Variants in CNN2 observed in about 807,000 individuals in gnomAD.
CNN2 encodes calponin 2.
A neutral mutation model predicts 31.0 loss-of-function variants in CNN2; 21 were observed. The ratio of observed to expected loss-of-function variants is 0.68; its 90% confidence interval spans 0.48 to 0.98. The LOEUF (loss-of-function observed/expected upper bound fraction) is 0.98, where lower values mean the gene tolerates loss of function less well. Among genes scored for constraint, CNN2 ranks in the 50% least tolerant of loss-of-function variants. The pLI, the probability that CNN2 is intolerant of heterozygous loss-of-function variation, is 0.00. For missense variants in CNN2, 399 were observed against 427.3 expected, an observed-to-expected ratio of 0.93 and a Z score of 0.58; for synonymous variants, 165 against 179.6, an observed-to-expected ratio of 0.92 and a Z score of 0.65.
In CNN2 at chr19:1,037,964, T is replaced by C; in HGVS notation, c.*64T>C. On this transcript the variant is annotated 3_prime_UTR_variant, in exon 7 of 7. Coordinates refer to ENST00000263097, the MANE Select transcript of CNN2 (RefSeq NM_004368.4). ...CTGGGTTTTTGGGTTTTTCTGTGTT[T>C]TCATCTTTTTTTTTTTTTTCTTAAC... The C allele has an allele frequency of 6.9e-7, 1 of 1,440,348 alleles. No homozygotes were observed. Among genetic ancestry groups the C allele is most frequent in the Non-Finnish European group, 9.2e-7 (1 of 1,090,256 alleles). 89.2% of individuals were successfully genotyped at this position (1,440,348 alleles called of 1,614,324 possible). A position where few individuals can be genotyped will look rare whatever the true frequency, so the allele number is the denominator to read the frequency against.
Position 1,037,192 on chromosome 19 carries a change from G to A in CNN2, c.655-433G>A, listed in dbSNP as rs571914745. On this transcript the variant is annotated intron_variant, in intron 6 of 6. Coordinates refer to ENST00000263097, the MANE Select transcript of CNN2 (RefSeq NM_004368.4). The stretch of plus-strand genomic sequence containing the variant: ...TAATTTTTGTATTTTTAGTAGAGAC[G>A]GGGTTTCACTGTGTTGGTCAGGCTA... The A allele has an allele frequency of 2.1e-4, 40 of 192,136 alleles. 1 individual carries two copies. The Middle Eastern group carries it at 9.8e-3, about 47-fold the overall frequency. The allele number at this position is 192,136 out of a possible 1,614,324, so 11.9% of individuals were successfully genotyped here.
intron 1 of CNN2, among the ~76,000 whole-genome samples, chr19:1,028,561 G>T (rs2039436363): frequency 6.6e-6 from 1 of 152,228 alleles, no homozygotes; most frequent in Non-Finnish European, 1.5e-5. Context: ...CGGATCCACA[G>T]TGTCTGCGGC....
chr19:1,030,586 A>G (rs1188237544), intron 1 of CNN2, among the ~76,000 whole-genome samples: 1 of 152,142 alleles, frequency 6.6e-6, no homozygotes, highest in Non-Finnish European at 1.5e-5. Flanking sequence ...AGATCGCACC[A>G]CTGCACTCCA....
At position 1,032,435 on chromosome 19, in the gene CNN2, C is replaced by T. The variant is rs371128215; in HGVS notation, c.229C>T (p.Arg77Cys). Reference sequence around the variant, plus strand: ...GCCGGGCTCCGTCCCCAAGATCAACCGCTCCATGCAGAACTGGCACCAGGT... The same window carrying T: ...GCCGGGCTCCGTCCCCAAGATCAACTGCTCCATGCAGAACTGGCACCAGGT... ...LQPGSVPKIN[R>C]SMQNWHQLEN... Residue 77 changes from arginine (R) to cysteine (C), a missense_variant, in exon 3 of 7, where the codon CGC becomes TGC. By Grantham distance (180) the Arg-to-Cys change is radical (BLOSUM62 -3). Coordinates refer to ENST00000263097, the MANE Select transcript of CNN2 (RefSeq NM_004368.4). The T allele has an allele frequency of 3.5e-5, 57 of 1,613,564 alleles. No homozygotes were observed. The highest frequency in any genetic ancestry group is 6.7e-5 in the East Asian group (3 of 44,886).
At chr19:1,036,368 G>T in intron 5 of CNN2, 48 bp from the exon 6 acceptor site, 1 of 1,599,742 alleles carries the variant, frequency 6.3e-7, no homozygotes. Flanking sequence ...GGGAGGGACC[G>T]GAAGCTTGTT....
intron 1 of CNN2, among the ~76,000 whole-genome samples, chr19:1,030,489 G>C (rs965453763): frequency 5.3e-5 from 8 of 152,134 alleles, no homozygotes; most frequent in African/African-American, 1.9e-4. Context: ...AGCTGGGCCT[G>C]GTGGCGGGCG....
intron 4 of CNN2, among the ~76,000 whole-genome samples, chr19:1,035,463 A>G (rs990507399): frequency 6.6e-6 from 1 of 152,088 alleles, no homozygotes; most frequent in Non-Finnish European, 1.5e-5. Context: ...CAGACATCCC[A>G]GTGAGGGGCA....
Position 1,033,025 on chromosome 19 carries a change from C to T in CNN2, c.390+329C>T, listed in dbSNP as rs1022848184. On this transcript the variant is annotated intron_variant, in intron 4 of 6. Transcript: ENST00000263097. Reference sequence around the variant, plus strand: ...AACTCTTGACTTCAGGTGATCCGCCCGCCTCGGCCTCCCCAAGTGCTGGGA... The same window carrying T: ...AACTCTTGACTTCAGGTGATCCGCCTGCCTCGGCCTCCCCAAGTGCTGGGA... 2.6e-4 allele frequency: 70 copies of T among 266,164 alleles called. 1 individual carries two copies. The highest frequency in any genetic ancestry group is 2.1e-3 in the South Asian group (54 of 25,618). 16.5% of individuals were successfully genotyped at this position (266,164 alleles called of 1,614,324 possible). A position where few individuals can be genotyped will look rare whatever the true frequency, so the allele number is the denominator to read the frequency against.
intron 4 of CNN2, 23 bp from the exon 5 acceptor site, chr19:1,036,107 C>T (rs764894246): frequency 2.5e-6 from 4 of 1,581,028 alleles, no homozygotes; most frequent in African/African-American, 2.7e-5. Flanking sequence ...TGCTGGTACT[C>T]CCGGCCCCTT....
chr19:1,038,174 G>A lies in CNN2; in HGVS notation c.*274G>A. On this transcript the variant is annotated 3_prime_UTR_variant, in exon 7 of 7. Coordinates refer to ENST00000263097, the MANE Select transcript of CNN2 (RefSeq NM_004368.4). ...CCTGCTGGCACATTCAGGCTGTGCTGGGAAGAAGAGACCTGGGCTTGGAAG... is the reference window on the plus strand; with the variant it reads ...CCTGCTGGCACATTCAGGCTGTGCTAGGAAGAAGAGACCTGGGCTTGGAAG... 1 of 377,476 alleles carries A rather than the reference G, an allele frequency of 2.6e-6. No homozygotes were observed. 23.4% of individuals were successfully genotyped at this position (377,476 alleles called of 1,614,324 possible). A position where few individuals can be genotyped will look rare whatever the true frequency, so the allele number is the denominator to read the frequency against.
At chr19:1,028,791 C>A (rs1411562421) in intron 1 of CNN2, among the ~76,000 whole-genome samples, 1 of 152,090 alleles carries the variant, frequency 6.6e-6, no homozygotes, top group Non-Finnish European at 1.5e-5. Context: ...CGCAGCTGGG[C>A]AAGGCAGGGC....
intron 1 of CNN2, 130 bp downstream of exon 1, chr19:1,026,854 G>A: frequency 1.2e-6 from 1 of 866,204 alleles, no homozygotes; most frequent in Non-Finnish European, 1.7e-6. Context: ...ACGGGCCCTT[G>A]TTCTCCCTGA....
intron 6 of CNN2, 185 bp from the exon 7 acceptor site, chr19:1,037,440 T>G: frequency 3.5e-5 from 24 of 687,194 alleles, no homozygotes; most frequent in Non-Finnish European, 3.7e-5. Context: ...GCCCAGCTAA[T>G]TTTGTATTTT....
At chr19:1,033,629 GTGTAGA>G (rs2039536280) in intron 4 of CNN2, among the ~76,000 whole-genome samples, 1 of 144,448 alleles carries the variant, frequency 6.9e-6, no homozygotes, top group African/African-American at 2.6e-5. Context: ...TGGGACAGTG[GTGTAGA>G]CCGGGAGCGT....
rs766780418 is a variant in CNN2, at chr19:1,037,848, C to T, written c.878C>T (p.Pro293Leu). Residue 293 changes from proline to leucine, a missense_variant, in exon 7 of 7, where the codon CCG becomes CTG. Coordinates refer to ENST00000263097, the MANE Select transcript of CNN2 (RefSeq NM_004368.4). ...TCGGGCACCGGCGACTGCCCGGACCCGGGGGAGGTCCCTGAATATCCCCCT... is the reference window on the plus strand; with the variant it reads ...TCGGGCACCGGCGACTGCCCGGACCTGGGGGAGGTCCCTGAATATCCCCCT... ...APSGTGDCPD[P>L]GEVPEYPPYY... 69 of 1,604,438 alleles carry T rather than the reference C, an allele frequency of 4.3e-5. No homozygotes were observed. The highest frequency in any genetic ancestry group is 2.2e-4 in the Middle Eastern group (1 of 4,464).
intron 2 of CNN2, 115 bp downstream of exon 2, chr19:1,031,307 TA>T: frequency 2.6e-6 from 1 of 384,388 alleles, no homozygotes. Context: ...CTCATGCCTG[TA>T]ATCCCAGCAC....
intron 2 of CNN2, 67 bp from the exon 3 acceptor site, chr19:1,032,325 G>T: frequency 6.3e-7 from 1 of 1,589,330 alleles, no homozygotes; most frequent in Non-Finnish European, 8.6e-7. Flanking sequence ...GATCAGCATC[G>T]GGTCTTCACG....
chr19:1,037,848 CG>C lies in CNN2; in HGVS notation c.883del (p.Glu295ArgfsTer45). ...TCGGGCACCGGCGACTGCCCGGACC[CG>C]GGGGAGGTCCCTGAATATCCCCCTT... is the stretch of plus-strand genomic sequence containing the variant. ...APSGTGDCPDPGEVPEYPPYY... is the reference protein window; with the variant it reads ...APSGTGDCPDXGEVPEYPPYY... On this transcript the variant is annotated frameshift_variant, in exon 7 of 7. Coordinates refer to ENST00000263097, the MANE Select transcript of CNN2 (RefSeq NM_004368.4). LOFTEE classifies it high-confidence loss of function. 1 of 1,604,552 alleles carries C rather than the reference CG, an allele frequency of 6.2e-7. No homozygotes were observed. The highest frequency in any genetic ancestry group is 8.5e-7 in the Non-Finnish European group (1 of 1,174,616).
At chr19:1,028,074 C>T (rs2039427482) in intron 1 of CNN2, among the ~76,000 whole-genome samples, 1 of 152,088 alleles carries the variant, frequency 6.6e-6, no homozygotes, top group South Asian at 2.1e-4. Context: ...GGTGGGCACC[C>T]TGCCGCACCC....
Sources: allele counts gnomAD v4.1 joint callset (sites outside exome capture counted in the v4.1 genomes callset), GRCh38; gene constraint gnomAD v4.1.1; transcripts MANE v1.5; gene names NCBI Gene and HGNC (gene_info 2026-07-23, HGNC 2026-07-21).